ERC1: variants seen among roughly 807,000 people sequenced by gnomAD.
ERC1 encodes ELKS/RAB6-interacting/CAST family member 1, also known as RAB6 interacting protein 2.
A neutral mutation model predicts 132.0 loss-of-function variants in ERC1; 56 were observed. That is an observed-to-expected ratio of 0.42 (90% CI 0.34 to 0.53). The LOEUF is 0.53. ERC1 is among the 20% of genes least tolerant of loss of function. The pLI is 0.03. For missense variants in ERC1, 1,202 were observed against 1,349.9 expected (o/e 0.89, Z 1.72); for synonymous variants, 478 against 476.1 (o/e 1.00, Z -0.05).
At chr12:1,259,706 G>T (rs895014713) in intron 13 of ERC1, among the ~76,000 whole-genome samples, 1 of 151,844 alleles carries the variant, frequency 6.6e-6, no homozygotes. Context: ...TGTATTTTCA[G>T]TAGAGACGGG....
intron 5 of ERC1, among the ~76,000 whole-genome samples, chr12:1,111,503 G>A (rs1945855407): frequency 6.6e-6 from 1 of 151,924 alleles, no homozygotes; most frequent in African/African-American, 2.4e-5. Flanking sequence ...CCCATACCTG[G>A]CATATAAGTC....
At chr12:1,333,057 T>C (rs1339764253) in intron 15 of ERC1, among the ~76,000 whole-genome samples, 2 of 151,534 alleles carry the variant, frequency 1.3e-5, no homozygotes, top group African/African-American at 4.9e-5. Flanking sequence ...CTGATCCTCG[T>C]CCTGATCCTC....
At chr12:1,104,852 A>C in intron 4 of ERC1, 28 bp downstream of exon 4, 1 of 1,471,538 alleles carries the variant, frequency 6.8e-7, no homozygotes, top group South Asian at 1.1e-5. Context: ...AAAGAATCTT[A>C]TGAATTACCT....
chr12:1,402,609 C>T (rs2091163645), intron 16 of ERC1, among the ~76,000 whole-genome samples: 2 of 120,534 alleles, frequency 1.7e-5, no homozygotes, highest in African/African-American at 3.6e-5. Context: ...ATCTGTGTAA[C>T]CCCCAACACA....
chr12:1,084,396 G>T (rs1247752808), intron 3 of ERC1, among the ~76,000 whole-genome samples: 12 of 152,216 alleles, frequency 7.9e-5, no homozygotes, highest in Admixed American at 7.2e-4. Context: ...TTTAAAAAAT[G>T]GCGTATTCCC....
intron 7 of ERC1, chr12:1,116,339 T>C (rs1196695985): frequency 4.7e-6 from 1 of 210,616 alleles, no homozygotes; most frequent in East Asian, 1.1e-4. Flanking sequence ...AAATCATTGA[T>C]TTAGAAGCTT....
At chr12:1,258,295 A>C (rs2076936982) in intron 13 of ERC1, among the ~76,000 whole-genome samples, 1 of 152,230 alleles carries the variant, frequency 6.6e-6, no homozygotes, top group African/African-American at 2.4e-5. Flanking sequence ...TCAGCATTAC[A>C]GACTCAGAAT....
At chr12:1,427,496 A>C (rs1402000134) in intron 17 of ERC1, among the ~76,000 whole-genome samples, 1 of 152,206 alleles carries the variant, frequency 6.6e-6, no homozygotes, top group Non-Finnish European at 1.5e-5. Context: ...ACAGTAGTGC[A>C]ACTATAAATT....
Position 1,494,521 on chromosome 12 carries a change from C to T in ERC1, c.*4291C>T. 1 of 231,742 alleles carries T rather than the reference C, an allele frequency of 4.3e-6. No individual in the cohort carries two copies. Among genetic ancestry groups the T allele is most frequent in the Non-Finnish European group, 8.5e-6 (1 of 117,134 alleles). The allele number at this position is 231,742 out of a possible 1,614,324, so 14.4% of individuals were successfully genotyped here. ...ATGGCTATCTTCACCTACTCTTCAG[C>T]AAAAACCGTCTCCAGACTTTTTAGT... is the stretch of plus-strand genomic sequence containing the variant. On this transcript the variant is annotated 3_prime_UTR_variant, in exon 19 of 19. Transcript: ENST00000360905.
At chr12:1,188,655 T>G (rs182220550) in intron 11 of ERC1, among the ~76,000 whole-genome samples, 1 of 152,230 alleles carries the variant, frequency 6.6e-6, no homozygotes, top group Non-Finnish European at 1.5e-5. Flanking sequence ...ACAAATGAAC[T>G]TGGGAAAGGA....
chr12:1,464,924 TA>T (rs1478568128), intron 18 of ERC1, among the ~76,000 whole-genome samples: 7 of 152,092 alleles, frequency 4.6e-5, no homozygotes, highest in Non-Finnish European at 1.0e-4. Flanking sequence ...AAATATTTTA[TA>T]AAAATATTTT....
At chr12:1,107,167 C>T (rs1945352759) in intron 4 of ERC1, among the ~76,000 whole-genome samples, 2 of 152,056 alleles carry the variant, frequency 1.3e-5, no homozygotes, top group African/African-American at 4.8e-5. Flanking sequence ...TTCTTTGTTC[C>T]TCTTCTTCTC....
chr12:1,167,536 G>A (rs2154263952), intron 8 of ERC1, among the ~76,000 whole-genome samples: 1 of 152,168 alleles, frequency 6.6e-6, no homozygotes, highest in Non-Finnish European at 1.5e-5. Flanking sequence ...ATAGCTTCAA[G>A]AATCAGACAT....
intron 12 of ERC1, among the ~76,000 whole-genome samples, chr12:1,192,689 C>T (rs960678821): frequency 3.3e-5 from 5 of 152,068 alleles, no homozygotes; most frequent in Non-Finnish European, 7.4e-5. Context: ...TTTGGGACTT[C>T]CTGGGAAAGT....
intron 13 of ERC1, chr12:1,244,701 G>A: frequency 5.4e-6 from 2 of 367,852 alleles, no homozygotes; most frequent in Admixed American, 3.2e-5. Context: ...TTGTGTGTCT[G>A]TTTTTATTAG....
chr12:1,127,968 A>G (rs560642713), intron 7 of ERC1, among the ~76,000 whole-genome samples: 2 of 152,318 alleles, frequency 1.3e-5, no homozygotes, highest in South Asian at 2.1e-4. Context: ...TCCTCCTACC[A>G]GTATTAATGG....
At chr12:1,353,601 C>T (rs766618713) in intron 15 of ERC1, among the ~76,000 whole-genome samples, 5 of 152,142 alleles carry the variant, frequency 3.3e-5, no homozygotes, top group Non-Finnish European at 7.4e-5. Context: ...TGTGTTTAAA[C>T]ATAGGCTGGG....
At chr12:1,465,184 C>G (rs1287156723) in intron 18 of ERC1, among the ~76,000 whole-genome samples, 1 of 152,130 alleles carries the variant, frequency 6.6e-6, no homozygotes, top group Non-Finnish European at 1.5e-5. Flanking sequence ...CCCAACTAAG[C>G]TGAGAAGAAA....
chr12:1,035,557 A>G (rs934897898), intron 2 of ERC1, among the ~76,000 whole-genome samples: 1 of 152,082 alleles, frequency 6.6e-6, no homozygotes, highest in Non-Finnish European at 1.5e-5. Flanking sequence ...GGGAGTCAGG[A>G]AGGTTTTTGG....
Sources: allele counts gnomAD v4.1 joint callset (sites outside exome capture counted in the v4.1 genomes callset), GRCh38; gene constraint gnomAD v4.1.1; transcripts MANE v1.5; gene names NCBI Gene and HGNC (gene_info 2026-07-23, HGNC 2026-07-21).